Variants in ABCB1 observed in about 807,000 individuals in gnomAD.
ABCB1 encodes ATP binding cassette subfamily B member 1, also known as ATP-dependent translocase ABCB1.
A neutral mutation model predicts 142.0 loss-of-function variants in ABCB1; 69 were observed. That is an observed-to-expected ratio of 0.49 (90% CI 0.40 to 0.59). The LOEUF (loss-of-function observed/expected upper bound fraction) is 0.59. ABCB1 is among the 20% of genes least tolerant of loss of function. The probability of loss-of-function intolerance (pLI) is 0.00; values close to 1 mark genes in which losing one functional copy is unlikely to be tolerated. For missense variants in ABCB1, 1,326 were observed against 1,554.7 expected (o/e 0.85, Z 2.47); for synonymous variants, 532 against 539.2 (o/e 0.99, Z 0.18).
intron 1 of ABCB1, among the ~76,000 whole-genome samples, chr7:87,650,136 A>C (rs560503258): frequency 5.3e-5 from 8 of 152,280 alleles, no homozygotes; most frequent in African/African-American, 1.7e-4. Context: ...TTGAGTCTGC[A>C]GCTCAAATTT....
intron 1 of ABCB1, among the ~76,000 whole-genome samples, chr7:87,679,195 C>A (rs1826679449): frequency 6.8e-6 from 1 of 147,558 alleles, no homozygotes; most frequent in Admixed American, 6.8e-5. Flanking sequence ...TGGGTTCACA[C>A]CATTCTCCTG....
chr7:87,682,526 G>T (rs1827028377), intron 1 of ABCB1, among the ~76,000 whole-genome samples: 1 of 152,212 alleles, frequency 6.6e-6, no homozygotes, highest in Admixed American at 6.5e-5. Flanking sequence ...TGTGTTAGAA[G>T]CCATGAAAAC....
chr7:87,634,636 A>C (rs1318001149), intron 1 of ABCB1, among the ~76,000 whole-genome samples: 1 of 152,108 alleles, frequency 6.6e-6, no homozygotes, highest in Non-Finnish European at 1.5e-5. Context: ...TCAAAAAAAA[A>C]AGAAAAAAAA....
At chr7:87,652,818 T>C (rs1187436088) in intron 1 of ABCB1, among the ~76,000 whole-genome samples, 1 of 151,962 alleles carries the variant, frequency 6.6e-6, no homozygotes, top group Non-Finnish European at 1.5e-5. Context: ...ACTTATGATT[T>C]AGTTACATAG....
At chr7:87,519,846 A>G (rs780588828) in intron 22 of ABCB1, among the ~76,000 whole-genome samples, 4 of 152,226 alleles carry the variant, frequency 2.6e-5, no homozygotes, top group Non-Finnish European at 5.9e-5. Flanking sequence ...ACAGTTACCC[A>G]ACACCTACAA....
At position 87,618,127 on chromosome 7, in the gene ABCB1, CG is replaced by C. The variant is rs28381778; in HGVS notation, c.-330-17050del. Among the ~76,000 whole-genome samples, 903 of 152,248 alleles carry C rather than the reference CG, an allele frequency of 5.9e-3. 7 individuals carry two copies. Among genetic ancestry groups the C allele is most frequent in the East Asian group, 0.049 (252 of 5,182 alleles). ...GCAGGGCAAGAGTGTTGTCTAATTC[CG>C]GGGGCCCTGTTGACATTATCTTCTG... On this transcript the variant is annotated intron_variant, in intron 1 of 28. Transcript: ENST00000265724.
At chr7:87,657,350 A>G (rs1481995820) in intron 1 of ABCB1, among the ~76,000 whole-genome samples, 5 of 152,204 alleles carry the variant, frequency 3.3e-5, no homozygotes, top group Admixed American at 2.6e-4. Context: ...CCAGAGAAAG[A>G]ACAGCCTAGC....
At chr7:87,658,628 A>G (rs1323329897) in intron 1 of ABCB1, among the ~76,000 whole-genome samples, 1 of 152,218 alleles carries the variant, frequency 6.6e-6, no homozygotes, top group Non-Finnish European at 1.5e-5. Flanking sequence ...AAATGTTGCA[A>G]ATAGAGAAAA....
intron 3 of ABCB1, 125 bp downstream of exon 3, chr7:87,595,641 T>C: frequency 1.3e-6 from 1 of 754,410 alleles, no homozygotes; most frequent in South Asian, 1.6e-5. Flanking sequence ...TCAAACCAAT[T>C]TATTTTGCAT....
At chr7:87,646,628 AAGGTGG>A (rs1053048043) in intron 1 of ABCB1, among the ~76,000 whole-genome samples, 30 of 152,104 alleles carry the variant, frequency 2.0e-4, no homozygotes, top group Non-Finnish European at 7.4e-5. Context: ...ATTCAGGTCA[AAGGTGG>A]AGGTGGAGGT....
intron 18 of ABCB1, among the ~76,000 whole-genome samples, chr7:87,539,622 A>G (rs1816444163): frequency 6.6e-6 from 1 of 152,210 alleles, no homozygotes; most frequent in African/African-American, 2.4e-5. Flanking sequence ...ATCCAGATGC[A>G]TGAGAATCCT....
chr7:87,702,754 A>G (rs972750505), intron 1 of ABCB1, among the ~76,000 whole-genome samples: 1 of 152,172 alleles, frequency 6.6e-6, no homozygotes, highest in African/African-American at 2.4e-5. Context: ...AAAATGTGAA[A>G]TCTCAAATGA....
chr7:87,585,511 CTTCT>C lies in ABCB1; in HGVS notation c.283_286del (p.Arg95ValfsTer10). 6.2e-7 allele frequency: 1 copy of C among 1,613,354 alleles called. No individual in the cohort carries two copies. The highest frequency in any genetic ancestry group is 8.5e-7 in the Non-Finnish European group (1 of 1,179,704). ...AAAATTGGTACACAAACAATACTTA[CTTCT>C]ATTAGTGATGTTTGACATCAGATCT... On this transcript the variant is annotated frameshift_variant and splice_region_variant, in exon 4 of 28. Transcript: ENST00000622132. LOFTEE classifies it high-confidence loss of function.
At chr7:87,701,881 C>T (rs929782712) in intron 1 of ABCB1, among the ~76,000 whole-genome samples, 6 of 152,054 alleles carry the variant, frequency 3.9e-5, no homozygotes, top group African/African-American at 1.2e-4. Flanking sequence ...CGGTGGCTCA[C>T]GCCTGTAATC....
intron 1 of ABCB1, chr7:87,710,691 G>A: frequency 8.5e-7 from 1 of 1,175,050 alleles, no homozygotes; most frequent in Non-Finnish European, 1.2e-6. Context: ...ATATATATTT[G>A]AAAGAATCAC....
chr7:87,521,965 T>A, intron 21 of ABCB1: 1 of 804,494 alleles, frequency 1.2e-6, no homozygotes, highest in Non-Finnish European at 2.2e-6. Flanking sequence ...GAAATACCCA[T>A]ACTGTGAATG....
chr7:87,550,064 AAAGT>A lies in ABCB1; in HGVS notation c.1351-14_1351-11del, dbSNP rs1371166176. 3.1e-6 allele frequency: 5 copies of A among 1,614,030 alleles called. No individual in the cohort carries two copies. The African/African-American group carries it at 5.3e-5, about 17-fold the overall frequency. On this transcript the variant is annotated splice_polypyrimidine_tract_variant and intron_variant, in intron 12 of 27. Coordinates refer to ENST00000622132, the MANE Select transcript of ABCB1 (RefSeq NM_001348946.2). ...GTCCATCAACACTGACCTGGAATAA[AAAGT>A]AAGTGTGACTTTCATACATTTGTAA...
At chr7:87,536,652 T>C in intron 19 of ABCB1, 111 bp from the exon 20 acceptor site, 1 of 851,210 alleles carries the variant, frequency 1.2e-6, no homozygotes, top group Non-Finnish European at 2.0e-6. Context: ...CTGCATTTAG[T>C]ACTCAGGATG....
chr7:87,693,060 A>G (rs1828158421), intron 1 of ABCB1, among the ~76,000 whole-genome samples: 2 of 152,114 alleles, frequency 1.3e-5, no homozygotes, highest in African/African-American at 2.4e-5. Flanking sequence ...AAGGTGTGGG[A>G]CCATGTACTA....
Sources: gnomAD v4.1 joint callset for allele counts (sites outside exome capture counted in the v4.1 genomes callset) on GRCh38, gnomAD v4.1.1 for gene constraint, MANE v1.5 for transcripts, NCBI Gene and HGNC (gene_info 2026-07-23, HGNC 2026-07-21) for gene names.